Variants in CAST observed in about 807,000 individuals in gnomAD.
The protein encoded by CAST is MIR583 host.
In CAST, 76 loss-of-function variants were observed where a neutral mutation model predicts 119.6. The observed-to-expected ratio is 0.64, with a 90% CI of 0.53 to 0.77. The LOEUF is 0.77. Ranked by LOEUF, CAST falls within the 30% of genes least tolerant of loss-of-function variation. CAST has a pLI of 0.00. For missense variants in CAST, 953 were observed against 946.5 expected (o/e 1.01, Z -0.09); for synonymous variants, 319 against 331.6 (o/e 0.96, Z 0.41).
chr5:96,757,686 A>ATTTT, intron 24 of CAST, 32 bp downstream of exon 24: 3 of 1,220,190 alleles, frequency 2.5e-6, no homozygotes, highest in Non-Finnish European at 3.5e-6. Flanking sequence ...TTATTTCTTT[A>ATTTT]GTTTTTTTTT....
chr5:95,983,331 C>T, the CAST span, among the ~76,000 whole-genome samples: 1 of 152,170 alleles, frequency 6.6e-6, no homozygotes, highest in East Asian at 1.9e-4. Flanking sequence ...GTTTTGTACA[C>T]TTACCTATGC....
At chr5:96,060,777 C>A in the CAST span, among the ~76,000 whole-genome samples, 16 of 152,016 alleles carry the variant, frequency 1.1e-4, no homozygotes, top group Admixed American at 2.6e-4. Context: ...TGTGGAAAGC[C>A]CCCTGTATTA....
the CAST span, among the ~76,000 whole-genome samples, chr5:96,103,430 A>G: frequency 6.9e-6 from 1 of 145,940 alleles, no homozygotes; most frequent in Non-Finnish European, 1.5e-5. Flanking sequence ...ATTCCCACCT[A>G]TGAGTGAGAA....
intron 3 of CAST, among the ~76,000 whole-genome samples, chr5:96,707,996 T>A (rs1755367909): frequency 6.6e-6 from 1 of 152,164 alleles, no homozygotes; most frequent in South Asian, 2.1e-4. Context: ...CACTTATACA[T>A]TTTTCAGTTA....
chr5:96,313,362 G>C, the CAST span, among the ~76,000 whole-genome samples: 1 of 151,992 alleles, frequency 6.6e-6, no homozygotes, highest in Non-Finnish European at 1.5e-5. Context: ...CCAGACACTG[G>C]CAACCACTGA....
the CAST span, among the ~76,000 whole-genome samples, chr5:96,380,870 G>T: frequency 2.4e-4 from 37 of 152,256 alleles, no homozygotes; most frequent in African/African-American, 8.4e-4. Context: ...TTACGCGTGG[G>T]TAAAAACTCT....
chr5:96,203,734 C>T, the CAST span, among the ~76,000 whole-genome samples: 5 of 152,120 alleles, frequency 3.3e-5, no homozygotes, highest in East Asian at 7.7e-4. Flanking sequence ...ATTTTATCCA[C>T]AAACCCTCAC....
intron 1 of CAST, among the ~76,000 whole-genome samples, chr5:96,538,745 C>G (rs1745863303): frequency 1.8e-5 from 1 of 56,816 alleles, no homozygotes; most frequent in Non-Finnish European, 3.9e-5. Context: ...CCCCCACACA[C>G]ACACCGCTCC....
chr5:96,583,880 AG>A (rs1404701403), intron 1 of CAST, among the ~76,000 whole-genome samples: 1 of 152,182 alleles, frequency 6.6e-6, no homozygotes, highest in African/African-American at 2.4e-5. Flanking sequence ...CCAAACAGCA[AG>A]TGGTAGTGGT....
the CAST span, among the ~76,000 whole-genome samples, chr5:96,131,418 T>TACAC: frequency 0.011 from 1,621 of 148,146 alleles, 17 homozygotes; most frequent in South Asian, 0.032. Context: ...CTTGTTATTA[T>TACAC]ACACACACAC....
At chr5:96,243,428 A>G in the CAST span, among the ~76,000 whole-genome samples, 4 of 152,100 alleles carry the variant, frequency 2.6e-5, no homozygotes, top group African/African-American at 9.7e-5. Context: ...TGGAGTCAGA[A>G]AAGTTAAGCT....
At chr5:95,971,017 A>T in the CAST span, among the ~76,000 whole-genome samples, 1 of 152,212 alleles carries the variant, frequency 6.6e-6, no homozygotes, top group African/African-American at 2.4e-5. Flanking sequence ...TTGATGATCT[A>T]TTATGACTGT....
intron 1 of CAST, among the ~76,000 whole-genome samples, chr5:96,553,179 C>T (rs576046099): frequency 5.3e-5 from 8 of 152,220 alleles, no homozygotes; most frequent in South Asian, 2.1e-4. Flanking sequence ...ACTGGCAAAC[C>T]GAATCCAGCA....
At chr5:96,579,514 G>A (rs1278213833) in intron 1 of CAST, among the ~76,000 whole-genome samples, 1 of 152,144 alleles carries the variant, frequency 6.6e-6, no homozygotes, top group African/African-American at 2.4e-5. Context: ...CTTTTGATGT[G>A]GGAGAGAAAT....
the CAST span, among the ~76,000 whole-genome samples, chr5:96,000,456 G>A: frequency 1.3e-5 from 2 of 152,086 alleles, no homozygotes; most frequent in African/African-American, 4.8e-5. Flanking sequence ...CTTTTTGCAT[G>A]TGGTTATCCA....
At position 96,608,775 on chromosome 5, in the gene CAST, C is replaced by A. The variant is rs754461760; in HGVS notation, c.61-66764C>A. Among the ~76,000 whole-genome samples the A allele has an allele frequency of 6.8e-4, 103 of 152,074 alleles. 1 individual carries two copies. The highest frequency in any genetic ancestry group is 5.2e-4 in the Admixed American group (8 of 15,276). On this transcript the variant is annotated intron_variant, in intron 1 of 11. Transcript: ENST00000505143. ...GACTGGGAAGACCTCAGAAAACTTA[C>A]AATCATAGTGGAATGTGAAGAGGAA...
the CAST span, among the ~76,000 whole-genome samples, chr5:96,202,380 T>C: frequency 6.6e-6 from 1 of 152,028 alleles, no homozygotes; most frequent in Non-Finnish European, 1.5e-5. Context: ...TCCAGTGACA[T>C]TATGATTCAG....
the CAST span, among the ~76,000 whole-genome samples, chr5:96,452,976 A>AAAAAAAAAAAAAAAAAAG: frequency 3.5e-5 from 5 of 142,346 alleles, no homozygotes; most frequent in African/African-American, 1.5e-4. Context: ...AAAAAAAAAA[A>AAAAAAAAAAAAAAAAAAG]CAGAAGAAAG....
chr5:96,551,881 A>C (rs1441728422), intron 1 of CAST, among the ~76,000 whole-genome samples: 2 of 152,196 alleles, frequency 1.3e-5, no homozygotes, highest in African/African-American at 4.8e-5. Flanking sequence ...TCCTAAATAT[A>C]TATGCACCCA....
Sources: allele counts gnomAD v4.1 joint callset (sites outside exome capture counted in the v4.1 genomes callset), GRCh38; gene constraint gnomAD v4.1.1; transcripts MANE v1.5; gene names NCBI Gene and HGNC (gene_info 2026-07-23, HGNC 2026-07-21).